VPS41: variants seen among roughly 807,000 people sequenced by gnomAD.
VPS41 encodes the protein vacuolar protein sorting-associated protein 41 homolog.
Under a neutral mutation model 130.9 loss-of-function variants are expected in VPS41, and 85 were observed. The ratio of observed to expected loss-of-function variants is 0.65; its 90% CI spans 0.55 to 0.78. The LOEUF (loss-of-function observed/expected upper bound fraction) is 0.78. VPS41 is among the 30% of genes least tolerant of loss of function. The pLI is 0.00. For missense variants in VPS41, 874 were observed against 1,018.7 expected, an observed-to-expected ratio of 0.86 and a Z score of 1.93; for synonymous variants, 335 against 332.9, an observed-to-expected ratio of 1.01 and a Z score of -0.07.
chr7:38,789,965 G>T, intron 9 of VPS41, 98 bp from the exon 10 acceptor site: 1 of 1,206,140 alleles, frequency 8.3e-7, no homozygotes, highest in Non-Finnish European at 1.2e-6. Flanking sequence ...TAACCTTGTA[G>T]CACTGCAGAT....
rs1787039681 is a variant in VPS41, at chr7:38,897,752, A to C, written c.60+339T>G. Among the ~76,000 whole-genome samples, 3 of 152,206 alleles carry C rather than the reference A, an allele frequency of 2.0e-5. No homozygotes were observed. The South Asian group carries it at 6.2e-4, about 31-fold the overall frequency. On this transcript the variant is annotated intron_variant, in intron 2 of 28. Coordinates refer to ENST00000310301, the MANE Select transcript of VPS41 (RefSeq NM_014396.4). ...AACAAATAAAGAATAAACATCATAA[A>C]ACCTACAGTGGCTATTTTTAAAAAG...
At chr7:38,796,528 T>C in intron 8 of VPS41, 1 of 698,074 alleles carries the variant, frequency 1.4e-6, no homozygotes, top group Non-Finnish European at 2.5e-6. Flanking sequence ...TTTCTTACTC[T>C]AAAATAGATT....
At chr7:38,765,140 TA>T (rs1784012136) in intron 16 of VPS41, among the ~76,000 whole-genome samples, 1 of 152,196 alleles carries the variant, frequency 6.6e-6, no homozygotes, top group South Asian at 2.1e-4. Context: ...TTGAAAGATT[TA>T]AAAAAAGAAA....
chr7:38,862,820 C>A (rs1405767003), intron 3 of VPS41, among the ~76,000 whole-genome samples, 198 bp from the exon 4 acceptor site: 4 of 152,156 alleles, frequency 2.6e-5, no homozygotes, highest in Non-Finnish European at 1.5e-5. Flanking sequence ...TGTGATAGTG[C>A]AAGCCAGCTG....
intron 9 of VPS41, among the ~76,000 whole-genome samples, chr7:38,791,832 G>C (rs1264676110): frequency 6.6e-6 from 1 of 152,142 alleles, no homozygotes; most frequent in Non-Finnish European, 1.5e-5. Context: ...TAGCTATACT[G>C]TTTAGGATAG....
chr7:38,765,503 A>T, intron 16 of VPS41, 77 bp downstream of exon 16: 1 of 968,842 alleles, frequency 1.0e-6, no homozygotes, highest in Non-Finnish European at 1.6e-6. Flanking sequence ...AGAGCTGAGT[A>T]CTATTATCTT....
At chr7:38,852,697 A>C (rs766547203) in intron 4 of VPS41, among the ~76,000 whole-genome samples, 46 of 152,248 alleles carry the variant, frequency 3.0e-4, no homozygotes, top group Non-Finnish European at 6.0e-4. Context: ...TTAAGAAAGA[A>C]GTATACACTA....
At chr7:38,899,517 TA>T (rs1244780531) in intron 1 of VPS41, among the ~76,000 whole-genome samples, 1 of 152,266 alleles carries the variant, frequency 6.6e-6, no homozygotes, top group South Asian at 2.1e-4. Flanking sequence ...CCTCTTACTG[TA>T]CTGATCCTTC....
At chr7:38,870,739 C>CAAAAAAAAAAAAAAAA (rs70977434) in intron 2 of VPS41, among the ~76,000 whole-genome samples, 20 of 29,712 alleles carry the variant, frequency 6.7e-4, no homozygotes, top group Non-Finnish European at 1.2e-3. Flanking sequence ...ACTATATGTT[C>CAAAAAAAAAAAAAAAA]AAAAAAAAAA....
chr7:38,731,177 G>A (rs1795656137), intron 25 of VPS41, among the ~76,000 whole-genome samples: 1 of 152,190 alleles, frequency 6.6e-6, no homozygotes, highest in East Asian at 1.9e-4. Context: ...TTCAAAATAT[G>A]AGACTATCCT....
intron 2 of VPS41, among the ~76,000 whole-genome samples, chr7:38,875,499 T>G (rs1786473505): frequency 6.6e-6 from 1 of 152,220 alleles, no homozygotes. Flanking sequence ...TAATACTGTA[T>G]GCTATAGTTC....
chr7:38,874,507 G>GA (rs1017562065), intron 2 of VPS41, among the ~76,000 whole-genome samples: 23 of 152,158 alleles, frequency 1.5e-4, no homozygotes, highest in African/African-American at 5.5e-4. Context: ...CTTCACCTGA[G>GA]AAAGACCTCA....
intron 10 of VPS41, among the ~76,000 whole-genome samples, chr7:38,778,269 T>A (rs1042175703): frequency 6.6e-6 from 1 of 152,146 alleles, no homozygotes; most frequent in African/African-American, 2.4e-5. Context: ...TTTGGTAAAG[T>A]GGTAATTGTG....
chr7:38,784,397 G>C (rs1784401549), intron 10 of VPS41, among the ~76,000 whole-genome samples: 1 of 152,170 alleles, frequency 6.6e-6, no homozygotes, highest in Non-Finnish European at 1.5e-5. Flanking sequence ...CAGCATGTTG[G>C]GAGGCCAAGG....
chr7:38,843,074 A>G (rs756532705), intron 4 of VPS41, among the ~76,000 whole-genome samples: 5 of 152,226 alleles, frequency 3.3e-5, no homozygotes, highest in Non-Finnish European at 5.9e-5. Context: ...AAGACAACTA[A>G]AGAGCAGAAT....
chr7:38,871,332 A>G (rs1023940109), intron 2 of VPS41, among the ~76,000 whole-genome samples: 2 of 152,190 alleles, frequency 1.3e-5, no homozygotes, highest in Non-Finnish European at 2.9e-5. Context: ...ATTCTTACAG[A>G]AGTCTTCACC....
chr7:38,783,740 T>A (rs907601233), intron 10 of VPS41, among the ~76,000 whole-genome samples: 1 of 148,754 alleles, frequency 6.7e-6, no homozygotes, highest in African/African-American at 2.5e-5. Flanking sequence ...TCGTTTCATT[T>A]AAAAAAAAAA....
chr7:38,754,349 G>A (rs1783746109), intron 21 of VPS41, among the ~76,000 whole-genome samples: 1 of 152,168 alleles, frequency 6.6e-6, no homozygotes, highest in Admixed American at 6.5e-5. Flanking sequence ...CAGAGGGAGA[G>A]TGCTTATTCC....
chr7:38,888,822 CTG>C (rs1786790435), intron 2 of VPS41, among the ~76,000 whole-genome samples: 1 of 152,168 alleles, frequency 6.6e-6, no homozygotes, highest in Non-Finnish European at 1.5e-5. Context: ...TCACAACAAA[CTG>C]TCTCTCAGAC....
Sources: allele counts gnomAD v4.1 joint callset (sites outside exome capture counted in the v4.1 genomes callset), GRCh38; gene constraint gnomAD v4.1.1; transcripts MANE v1.5; gene names NCBI Gene and HGNC (gene_info 2026-07-23, HGNC 2026-07-21).